LEPROTL1: variants seen among roughly 807,000 people sequenced by gnomAD.
LEPROTL1 encodes leptin receptor overlapping transcript-like 1.
LEPROTL1 carries 6 observed loss-of-function variants against 15.4 expected under a neutral mutation model. The ratio of observed to expected loss-of-function variants is 0.39; its 90% confidence interval spans 0.21 to 0.77. The LOEUF (loss-of-function observed/expected upper bound fraction) is 0.77, where lower values mean the gene tolerates loss of function less well. Ranked by LOEUF, LEPROTL1 falls within the 30% of genes least tolerant of loss-of-function variation. The pLI, the probability that LEPROTL1 is intolerant of heterozygous loss-of-function variation, is 0.41. For missense variants in LEPROTL1, 128 were observed against 158.1 expected (o/e 0.81, Z 1.02); for synonymous variants, 56 against 52.6 (o/e 1.06, Z -0.28).
intron 1 of LEPROTL1, among the ~76,000 whole-genome samples, chr8:30,099,966 T>C (rs1292839881): frequency 2.0e-5 from 3 of 152,204 alleles, no homozygotes; most frequent in African/African-American, 7.2e-5. Context: ...AGAACCAATT[T>C]GGAACTGAAG....
In LEPROTL1 at chr8:30,106,797, A is replaced by G. The variant is rs914749070; in HGVS notation, c.*935A>G. The G allele has an allele frequency of 1.0e-6, 1 of 984,682 alleles. No individual in the cohort carries two copies. Among genetic ancestry groups the G allele is most frequent in the African/African-American group, 1.7e-5 (1 of 57,204 alleles). The allele number at this position is 984,682 out of a possible 1,614,324, so 61.0% of individuals were successfully genotyped here. A position where few individuals can be genotyped will look rare whatever the true frequency, so the allele number is the denominator to read the frequency against. On this transcript the variant is annotated 3_prime_UTR_variant, in exon 4 of 4. Transcript: ENST00000321250. ...TGAGGGACAGTTGTATGTTTGCATC[A>G]TATATGCCAGAAAACCTTCCTCTGC...
chr8:30,134,968 C>T (rs967392346), intron 4 of LEPROTL1, among the ~76,000 whole-genome samples: 16 of 152,322 alleles, frequency 1.1e-4, no homozygotes, highest in African/African-American at 3.6e-4. Context: ...CAACCTCTGC[C>T]TCCCAGACTC....
At chr8:30,102,157 A>T (rs1802476958) in intron 2 of LEPROTL1, among the ~76,000 whole-genome samples, 184 bp downstream of exon 2, 1 of 152,210 alleles carries the variant, frequency 6.6e-6, no homozygotes. Flanking sequence ...CCAAGATGCA[A>T]ATAATATTTT....
intron 3 of LEPROTL1, among the ~76,000 whole-genome samples, chr8:30,127,711 T>G (rs190291896): frequency 1.7e-4 from 26 of 149,942 alleles, no homozygotes; most frequent in African/African-American, 6.4e-4. Flanking sequence ...CACACGTATA[T>G]GTATTCTGCT....
chr8:30,104,619 A>G (rs1460629582), intron 3 of LEPROTL1, 133 bp downstream of exon 3: 1 of 494,456 alleles, frequency 2.0e-6, no homozygotes, highest in Admixed American at 4.1e-5. Flanking sequence ...TTAAAATCTC[A>G]CTTTATTGTT....
intron 3 of LEPROTL1, among the ~76,000 whole-genome samples, chr8:30,127,835 A>G (rs944409151): frequency 3.9e-5 from 6 of 151,978 alleles, no homozygotes; most frequent in Non-Finnish European, 8.8e-5. Flanking sequence ...GAGGTCAGAG[A>G]ACATTAATGA....
Position 30,103,596 on chromosome 8 carries a change from C to G in LEPROTL1, c.93-704C>G, listed in dbSNP as rs1180687696. On this transcript the variant is annotated intron_variant, in intron 2 of 3. Transcript: ENST00000321250. ...TCTCCACTAAAAATACAAAAATTAG[C>G]CGGGCATGGTGGTGCACGCCTGTAA... 6.6e-5 allele frequency among the ~76,000 whole-genome samples: 10 copies of G among 151,834 alleles called. 1 individual carries two copies. The highest frequency in any genetic ancestry group is 2.4e-4 in the African/African-American group (10 of 41,316).
downstream of LEPROTL1, among the ~76,000 whole-genome samples, chr8:30,111,784 T>G (rs1002054583): frequency 6.6e-6 from 1 of 152,122 alleles, no homozygotes; most frequent in Non-Finnish European, 1.5e-5. Context: ...GTTGCTCTGG[T>G]GGGTCTTGTG....
At chr8:30,128,218 A>AG (rs1802936658) in intron 3 of LEPROTL1, among the ~76,000 whole-genome samples, 2 of 152,134 alleles carry the variant, frequency 1.3e-5, no homozygotes, top group African/African-American at 4.8e-5. Context: ...TGTCCAGAGA[A>AG]ATGTTCTTTC....
At chr8:30,096,818 C>T (rs1410851475) in intron 1 of LEPROTL1, among the ~76,000 whole-genome samples, 1 of 152,186 alleles carries the variant, frequency 6.6e-6, no homozygotes, top group Admixed American at 6.5e-5. Flanking sequence ...CTTTTGATTT[C>T]AGCAGGATTT....
intron 3 of LEPROTL1, among the ~76,000 whole-genome samples, chr8:30,121,804 T>TGG (rs1345137698): frequency 1.4e-4 from 21 of 152,072 alleles, no homozygotes; most frequent in African/African-American, 4.8e-4. Context: ...GGAAAGCTGG[T>TGG]GGAGAGCTCC....
At chr8:30,100,596 T>C (rs1402549861) in intron 1 of LEPROTL1, among the ~76,000 whole-genome samples, 1 of 152,180 alleles carries the variant, frequency 6.6e-6, no homozygotes, top group Non-Finnish European at 1.5e-5. Context: ...ACTACAGGCA[T>C]GTGCCACCAC....
chr8:30,105,643 C>A (rs896516529), intron 3 of LEPROTL1, 103 bp from the exon 4 acceptor site: 5 of 794,950 alleles, frequency 6.3e-6, no homozygotes, highest in Non-Finnish European at 7.9e-6. Context: ...ACAAGGCATG[C>A]TTCTTTTAGA....
chr8:30,136,625 C>G (rs909645925), intron 4 of LEPROTL1, among the ~76,000 whole-genome samples: 5 of 152,186 alleles, frequency 3.3e-5, no homozygotes, highest in South Asian at 2.1e-4. Context: ...TCCTGATTCA[C>G]TCCATCCCAT....
chr8:30,115,624 CAAAT>C (rs967473388), intron 3 of LEPROTL1, among the ~76,000 whole-genome samples: 3 of 130,492 alleles, frequency 2.3e-5, no homozygotes, highest in African/African-American at 8.7e-5. Flanking sequence ...TAAAACCTCA[CAAAT>C]AGATAAGGAA....
rs1311898564 is a variant in LEPROTL1 at position 30,106,802 on chromosome 8, T to G, written c.*940T>G. 1 of 984,856 alleles carries G rather than the reference T, an allele frequency of 1.0e-6. No individual in the cohort carries two copies. The highest frequency in any genetic ancestry group is 1.7e-5 in the African/African-American group (1 of 57,218). The allele number at this position is 984,856 out of a possible 1,614,324, so 61.0% of individuals were successfully genotyped here. Reference sequence around the variant, plus strand: ...GACAGTTGTATGTTTGCATCATATATGCCAGAAAACCTTCCTCTGCTTCCT... The same window carrying G: ...GACAGTTGTATGTTTGCATCATATAGGCCAGAAAACCTTCCTCTGCTTCCT... On this transcript the variant is annotated 3_prime_UTR_variant, in exon 4 of 4. Coordinates refer to ENST00000321250, the MANE Select transcript of LEPROTL1 (RefSeq NM_015344.3).
intron 3 of LEPROTL1, chr8:30,132,355 A>G (rs1803037731): frequency 1.3e-6 from 2 of 1,551,636 alleles, no homozygotes. Flanking sequence ...GAACACAGAT[A>G]TCCTGTGGGT....
downstream of LEPROTL1, among the ~76,000 whole-genome samples, chr8:30,112,461 T>C (rs1802669804): frequency 7.1e-6 from 1 of 140,562 alleles, no homozygotes; most frequent in Non-Finnish European, 1.5e-5. Context: ...GGTTTCACCA[T>C]GTTGGCCAGG....
chr8:30,100,179 CTA>C (rs1277487748), intron 1 of LEPROTL1, among the ~76,000 whole-genome samples: 1 of 152,002 alleles, frequency 6.6e-6, no homozygotes, highest in Non-Finnish European at 1.5e-5. Flanking sequence ...TGCCAAGCCA[CTA>C]TGTCATGGGG....
Sources: gnomAD v4.1 joint callset for allele counts (sites outside exome capture counted in the v4.1 genomes callset) on GRCh38, gnomAD v4.1.1 for gene constraint, MANE v1.5 for transcripts, NCBI Gene and HGNC (gene_info 2026-07-23, HGNC 2026-07-21) for gene names.